TUSC3: variants seen among roughly 807,000 people sequenced by gnomAD.
TUSC3 encodes the protein dolichyl-diphosphooligosaccharide--protein glycosyltransferase subunit TUSC3.
TUSC3 carries 45 observed loss-of-function variants against 44.8 expected under a neutral mutation model. The ratio of observed to expected loss-of-function variants is 1.00; its 90% confidence interval spans 0.79 to 1.29. The LOEUF (loss-of-function observed/expected upper bound fraction) is 1.29. Among genes scored for constraint, TUSC3 ranks in the 50% most tolerant of loss-of-function variants. TUSC3 has a pLI of 0.00. For synonymous variants in TUSC3, 212 were observed against 152.9 expected (o/e 1.39, Z -2.85); for missense variants, 519 against 437.9 (o/e 1.19, Z -1.65).
chr8:15,468,923 A>G (rs1405273848), intron 1 of TUSC3, among the ~76,000 whole-genome samples: 1 of 152,034 alleles, frequency 6.6e-6, no homozygotes, highest in Non-Finnish European at 1.5e-5. Flanking sequence ...GATTAAAAAA[A>G]AAAACCCAGG....
chr8:15,806,278 C>T, the TUSC3 span: 1 of 631,512 alleles, frequency 1.6e-6, no homozygotes, highest in African/African-American at 1.8e-5. Context: ...GGGATGTTCT[C>T]ATTGGCTAAT....
intron 1 of TUSC3, among the ~76,000 whole-genome samples, chr8:15,606,230 G>A (rs1387412474): frequency 6.6e-6 from 1 of 151,948 alleles, no homozygotes; most frequent in African/African-American, 2.4e-5. Flanking sequence ...TTGTAAACAG[G>A]TGACAGAAAC....
intron 1 of TUSC3, among the ~76,000 whole-genome samples, chr8:15,590,520 G>A (rs1218074104): frequency 6.6e-6 from 1 of 151,898 alleles, no homozygotes; most frequent in Non-Finnish European, 1.5e-5. Flanking sequence ...TTTAATTTTT[G>A]TTTTGAATTT....
At chr8:15,673,289 T>C (rs894635486) in intron 5 of TUSC3, among the ~76,000 whole-genome samples, 4 of 152,114 alleles carry the variant, frequency 2.6e-5, no homozygotes, top group Non-Finnish European at 4.4e-5. Context: ...TTTAGGTACT[T>C]ACGGAGATTT....
the TUSC3 span, among the ~76,000 whole-genome samples, chr8:15,828,730 C>G: frequency 6.6e-6 from 1 of 152,248 alleles, no homozygotes; most frequent in South Asian, 2.1e-4. Context: ...CCACAGACAG[C>G]TGAAATAATC....
chr8:15,726,946 T>C (rs1810519440), intron 6 of TUSC3, among the ~76,000 whole-genome samples: 2 of 152,212 alleles, frequency 1.3e-5, no homozygotes. Flanking sequence ...ATTTTTTTCT[T>C]GACTATTCAC....
the TUSC3 span, among the ~76,000 whole-genome samples, chr8:15,837,223 T>G: frequency 2.0e-5 from 3 of 152,122 alleles, no homozygotes; most frequent in Non-Finnish European, 4.4e-5. Flanking sequence ...TATGTCTTTT[T>G]TTTTAAAAAA....
At chr8:15,700,849 C>CTTTT (rs71211076) in intron 6 of TUSC3, among the ~76,000 whole-genome samples, 2 of 90,532 alleles carry the variant, frequency 2.2e-5, no homozygotes, top group African/African-American at 4.9e-5. Context: ...ATGGCTGGAG[C>CTTTT]TTTTTTTTTT....
the TUSC3 span, among the ~76,000 whole-genome samples, chr8:15,810,650 G>A: frequency 1.3e-5 from 2 of 151,720 alleles, no homozygotes; most frequent in African/African-American, 4.8e-5. Context: ...GGCCAAGGAG[G>A]GGGGGCGGGA....
intron 6 of TUSC3, among the ~76,000 whole-genome samples, chr8:15,695,366 C>T (rs1057293500): frequency 2.0e-5 from 3 of 152,282 alleles, no homozygotes; most frequent in East Asian, 1.9e-4. Context: ...TCTCTCTTGC[C>T]ACCATCCATG....
In TUSC3 at chr8:15,504,600, TA is replaced by T. The variant is rs1563268528; in HGVS notation, n.189+21118del. The stretch of plus-strand genomic sequence containing the variant: ...CAGGATATATATATATATATATATA[TA>T]TATATATATATATATATATATTTTT... On this transcript the variant is annotated intron_variant and non_coding_transcript_variant, in intron 2 of 5. Coordinates refer to the TUSC3 transcript ENST00000503191. Among the ~76,000 whole-genome samples, 41 of 41,180 alleles carry T rather than the reference TA, an allele frequency of 1.0e-3. No homozygotes were observed. The East Asian group carries it at 0.013, about 13-fold the overall frequency. 27.0% of individuals were successfully genotyped at this position (41,180 alleles called of 152,430 possible).
chr8:15,514,762 A>C (rs994725062), intron 2 of TUSC3, among the ~76,000 whole-genome samples: 2 of 152,220 alleles, frequency 1.3e-5, no homozygotes, highest in African/African-American at 2.4e-5. Flanking sequence ...GATGGTGCTC[A>C]TGAGCCCTTT....
At chr8:15,547,163 G>C (rs1801898755) in intron 1 of TUSC3, among the ~76,000 whole-genome samples, 1 of 151,660 alleles carries the variant, frequency 6.6e-6, no homozygotes, top group Non-Finnish European at 1.5e-5. Flanking sequence ...GTTACCATGA[G>C]AACTCAAGTA....
the TUSC3 span, among the ~76,000 whole-genome samples, chr8:15,793,227 T>C: frequency 1.3e-5 from 2 of 152,136 alleles, no homozygotes; most frequent in Admixed American, 1.3e-4. Context: ...TCATCCATCA[T>C]TTCAGCCCAC....
intron 2 of TUSC3, among the ~76,000 whole-genome samples, chr8:15,529,947 G>GC (rs528852746): frequency 3.0e-3 from 77 of 25,556 alleles, no homozygotes; most frequent in East Asian, 5.3e-3. Context: ...ACAGGCGCCC[G>GC]GCTAATTTTT....
intron 1 of TUSC3, among the ~76,000 whole-genome samples, chr8:15,587,043 C>G (rs1186184614): frequency 6.6e-6 from 1 of 152,170 alleles, no homozygotes; most frequent in East Asian, 1.9e-4. Flanking sequence ...GCCAGTTTTT[C>G]TTACTCCCTT....
At chr8:15,666,829 T>C (rs1043087504) in intron 5 of TUSC3, among the ~76,000 whole-genome samples, 1 of 151,528 alleles carries the variant, frequency 6.6e-6, no homozygotes, top group African/African-American at 2.4e-5. Context: ...TTATGGTTTT[T>C]GCAAACAGGT....
chr8:15,599,022 A>G (rs1374804607), intron 1 of TUSC3, among the ~76,000 whole-genome samples: 1 of 151,818 alleles, frequency 6.6e-6, no homozygotes, highest in Non-Finnish European at 1.5e-5. Flanking sequence ...CTGCCAAACC[A>G]TCTTGCAAAG....
chr8:15,542,994 G>A (rs888746089), intron 1 of TUSC3, among the ~76,000 whole-genome samples: 44 of 152,150 alleles, frequency 2.9e-4, no homozygotes, highest in African/African-American at 9.7e-4. Context: ...TGAAATACAG[G>A]CCATTCCGTA....
Sources: allele counts gnomAD v4.1 joint callset (sites outside exome capture counted in the v4.1 genomes callset), GRCh38; gene constraint gnomAD v4.1.1; transcripts MANE v1.5; gene names NCBI Gene and HGNC (gene_info 2026-07-23, HGNC 2026-07-21).